Variants in NAV3 observed in about 807,000 individuals in gnomAD.
NAV3 encodes neuron navigator 3.
A neutral mutation model predicts 244.7 loss-of-function variants in NAV3; 87 were observed. That is an observed-to-expected ratio of 0.36 (90% CI 0.30 to 0.42). The LOEUF is 0.42. NAV3 is among the 20% of genes least tolerant of loss of function. NAV3 has a pLI of 1.00. For synonymous variants in NAV3, 1,126 were observed against 1,042.2 expected (o/e 1.08, Z -1.55); for missense variants, 2,663 against 2,893.3 (o/e 0.92, Z 1.83).
At chr12:77,687,288 G>C (rs1043546795) in intron 2 of NAV3, among the ~76,000 whole-genome samples, 1 of 150,140 alleles carries the variant, frequency 6.7e-6, no homozygotes, top group African/African-American at 2.5e-5. Flanking sequence ...CTGATACCTT[G>C]TTTTTATTAG....
intron 1 of NAV3, among the ~76,000 whole-genome samples, chr12:77,912,831 C>T (rs1435685347): frequency 1.3e-5 from 2 of 151,960 alleles, no homozygotes; most frequent in Non-Finnish European, 2.9e-5. Flanking sequence ...AGGCTGGTCT[C>T]GAACTCCTGA....
intron 2 of NAV3, among the ~76,000 whole-genome samples, chr12:77,583,666 G>T (rs900010410): frequency 1.2e-4 from 18 of 152,120 alleles, no homozygotes; most frequent in Non-Finnish European, 2.6e-4. Context: ...TTAGTGGTTT[G>T]ACTAAATATA....
chr12:77,616,420 A>G (rs1387418663), intron 2 of NAV3, among the ~76,000 whole-genome samples: 1 of 152,102 alleles, frequency 6.6e-6, no homozygotes, highest in African/African-American at 2.4e-5. Context: ...TTTGGTGCAA[A>G]AATTTTAAAT....
intron 13 of NAV3, among the ~76,000 whole-genome samples, chr12:78,117,588 A>C (rs1343653516): frequency 6.6e-6 from 1 of 150,692 alleles, no homozygotes; most frequent in Non-Finnish European, 1.5e-5. Flanking sequence ...ATGTTGCCAT[A>C]TCTCTCCTTA....
At chr12:77,576,327 G>A (rs374403133) in intron 2 of NAV3, among the ~76,000 whole-genome samples, 12 of 151,984 alleles carry the variant, frequency 7.9e-5, no homozygotes, top group African/African-American at 2.9e-4. Flanking sequence ...GTTAGAGAAA[G>A]CATCACCTTC....
At chr12:78,010,338 G>T (rs1875047814) in intron 8 of NAV3, among the ~76,000 whole-genome samples, 1 of 152,086 alleles carries the variant, frequency 6.6e-6, no homozygotes, top group African/African-American at 2.4e-5. Flanking sequence ...TATTTTTGGA[G>T]TTGCTAATCA....
intron 12 of NAV3, among the ~76,000 whole-genome samples, chr12:78,066,267 G>T (rs1250394505): frequency 2.0e-5 from 3 of 152,020 alleles, no homozygotes; most frequent in African/African-American, 7.2e-5. Flanking sequence ...AAAGGAAGGG[G>T]ATCAAAGAGG....
chr12:78,099,435 G>A (rs1954428499), intron 12 of NAV3, among the ~76,000 whole-genome samples: 1 of 151,592 alleles, frequency 6.6e-6, no homozygotes, highest in Admixed American at 6.6e-5. Flanking sequence ...TGCTAATGGT[G>A]GTTACTTCTG....
chr12:77,659,553 G>A (rs188170128), intron 2 of NAV3, among the ~76,000 whole-genome samples: 6 of 152,148 alleles, frequency 3.9e-5, no homozygotes, highest in East Asian at 1.9e-4. Context: ...TCAGTGTGGC[G>A]ATTCCTCAGG....
chr12:77,851,814 T>C, intron 1 of NAV3, among the ~76,000 whole-genome samples: 1 of 152,226 alleles, frequency 6.6e-6, no homozygotes, highest in East Asian at 1.9e-4. Flanking sequence ...TTACTGTAAC[T>C]TCATGAAAGA....
At chr12:77,586,025 G>A (rs972212354) in intron 2 of NAV3, among the ~76,000 whole-genome samples, 7 of 152,206 alleles carry the variant, frequency 4.6e-5, no homozygotes, top group South Asian at 2.1e-4. Flanking sequence ...AGCCGGGCGT[G>A]GTGGCGGGTG....
intron 2 of NAV3, among the ~76,000 whole-genome samples, chr12:77,595,443 T>C (rs1870123389): frequency 6.6e-6 from 1 of 152,138 alleles, no homozygotes; most frequent in Non-Finnish European, 1.5e-5. Flanking sequence ...TTATCTGGAA[T>C]GAGTAAGCCT....
intron 21 of NAV3, among the ~76,000 whole-genome samples, chr12:78,146,720 T>C (rs1212474848): frequency 6.6e-6 from 1 of 151,284 alleles, no homozygotes; most frequent in Non-Finnish European, 1.5e-5. Context: ...TTTTTCCCAC[T>C]CCCTGTAAGA....
chr12:78,096,684 C>A (rs1307947005), intron 12 of NAV3, among the ~76,000 whole-genome samples: 1 of 152,094 alleles, frequency 6.6e-6, no homozygotes, highest in Non-Finnish European at 1.5e-5. Flanking sequence ...GGAAAACCCG[C>A]CCCCTCAATT....
At chr12:77,799,455 C>T (rs1219755203) in intron 2 of NAV3, among the ~76,000 whole-genome samples, 2 of 152,022 alleles carry the variant, frequency 1.3e-5, no homozygotes, top group African/African-American at 4.8e-5. Flanking sequence ...ACTTTTATGT[C>T]AGAATGTGAA....
At chr12:77,705,676 T>TC (rs1461363758) in intron 2 of NAV3, among the ~76,000 whole-genome samples, 2 of 151,212 alleles carry the variant, frequency 1.3e-5, no homozygotes, top group Admixed American at 6.6e-5. Flanking sequence ...GATTGTTTGT[T>TC]CCCCCGGGGG....
At chr12:78,059,727 G>T (rs1039221695) in intron 12 of NAV3, among the ~76,000 whole-genome samples, 1 of 151,950 alleles carries the variant, frequency 6.6e-6, no homozygotes, top group Non-Finnish European at 1.5e-5. Flanking sequence ...ATCTATAAAA[G>T]CAGAATTATA....
intron 2 of NAV3, among the ~76,000 whole-genome samples, chr12:77,612,917 G>T (rs1870981365): frequency 6.6e-6 from 1 of 151,960 alleles, no homozygotes; most frequent in Non-Finnish European, 1.5e-5. Flanking sequence ...GAGATCTGAT[G>T]GTTTTATAAG....
intron 12 of NAV3, among the ~76,000 whole-genome samples, chr12:78,094,577 C>T (rs1285292637): frequency 6.6e-6 from 1 of 152,076 alleles, no homozygotes. Flanking sequence ...CTAATTATGA[C>T]TTTGTAAATA....
Sources: allele counts gnomAD v4.1 joint callset (sites outside exome capture counted in the v4.1 genomes callset), GRCh38; gene constraint gnomAD v4.1.1; transcripts MANE v1.5; gene names NCBI Gene and HGNC (gene_info 2026-07-23, HGNC 2026-07-21).